Variants in KANSL1 observed in about 807,000 individuals in gnomAD.
KANSL1 encodes MLL1/MLL complex subunit KANSL1.
A neutral mutation model predicts 103.6 loss-of-function variants in KANSL1; 22 were observed. The ratio of observed to expected loss-of-function variants is 0.21; its 90% CI spans 0.15 to 0.30. KANSL1 has a LOEUF of 0.30. KANSL1 is among the 10% of genes least tolerant of loss of function. The pLI is 1.00. For missense variants in KANSL1, 1,337 were observed against 1,399.8 expected (o/e 0.96, Z 0.72); for synonymous variants, 600 against 527.6 (o/e 1.14, Z -1.88).
chr17:46,199,857 A>G (rs1294976544), intron 1 of KANSL1, among the ~76,000 whole-genome samples: 1 of 152,264 alleles, frequency 6.6e-6, no homozygotes, highest in Non-Finnish European at 1.5e-5. Context: ...ATACAATTAT[A>G]TCACTGAAAG....
At chr17:46,063,001 G>A (rs1353415503) in intron 6 of KANSL1, among the ~76,000 whole-genome samples, 1 of 152,178 alleles carries the variant, frequency 6.6e-6, no homozygotes, top group Non-Finnish European at 1.5e-5. Flanking sequence ...AGTGAGCCGA[G>A]ATCGCACCAT....
At position 46,171,251 on chromosome 17, in the gene KANSL1, G is replaced by A. The variant is rs149363799; in HGVS notation, c.893C>T (p.Ala298Val). The change falls in exon 2 of 15, where the codon GCC (alanine) becomes GTC (valine). Residue 298 changes from alanine (A) to valine (V), a missense_variant. By Grantham distance (64) the Ala-to-Val change is moderately conservative. Around this residue, in one of 2 missense-constraint regions of KANSL1, gnomAD observed 557 missense variants for 476.4 expected, o/e 1.17. Coordinates refer to ENST00000432791, the MANE Select transcript of KANSL1 (RefSeq NM_015443.4). ...LRRQADIESR[A>V]RRLQKRLQVV... is the part of the protein sequence containing the mutation. ...CTGTAAGCGCTTTTGTAATCTGCGG[G>A]CACGGCTCTCAATGTCAGCCTGTCG... 1 of 1,614,058 alleles carries A rather than the reference G, an allele frequency of 6.2e-7. No individual in the cohort carries two copies. The highest frequency in any genetic ancestry group is 8.5e-7 in the Non-Finnish European group (1 of 1,180,040).
chr17:46,161,058 G>A (rs2532291), intron 2 of KANSL1, among the ~76,000 whole-genome samples: 21,931 of 151,930 alleles, frequency 0.14, 2,137 homozygotes, highest in Middle Eastern at 0.22. Context: ...CAACAAATGT[G>A]GGCTATTATT....
intron 1 of KANSL1, chr17:46,222,780 G>A (rs1395582763): frequency 1.3e-5 from 2 of 152,366 alleles, no homozygotes. Context: ...GGCGAAGCTG[G>A]TGGAGGGTTT....
At chr17:46,176,312 CT>C (rs1338129690) in intron 1 of KANSL1, among the ~76,000 whole-genome samples, 1 of 152,246 alleles carries the variant, frequency 6.6e-6, no homozygotes, top group Non-Finnish European at 1.5e-5. Flanking sequence ...ACAGAAGGTG[CT>C]TAAGTAGTAA....
chr17:46,139,591 C>G (rs1304959818), intron 2 of KANSL1, among the ~76,000 whole-genome samples: 1 of 148,558 alleles, frequency 6.7e-6, no homozygotes, highest in Admixed American at 6.8e-5. Flanking sequence ...GAACCTGACT[C>G]TACTTCTTGT....
chr17:46,143,039 G>A (rs1225399707), intron 2 of KANSL1, among the ~76,000 whole-genome samples: 4 of 152,164 alleles, frequency 2.6e-5, no homozygotes, highest in African/African-American at 9.7e-5. Flanking sequence ...TTCTAAATAT[G>A]GCAAGTTTCT....
intron 2 of KANSL1, among the ~76,000 whole-genome samples, chr17:46,124,082 T>G (rs757579975): frequency 1.1e-4 from 17 of 152,150 alleles, no homozygotes; most frequent in Admixed American, 9.8e-4. Flanking sequence ...TTGACCATTC[T>G]GAAAATCTAA....
At chr17:46,097,435 A>G (rs1490022864) in intron 2 of KANSL1, among the ~76,000 whole-genome samples, 6 of 152,276 alleles carry the variant, frequency 3.9e-5, no homozygotes, top group Non-Finnish European at 8.8e-5. Flanking sequence ...ACCAATACAG[A>G]TAACTGATGA....
At chr17:46,179,280 T>C (rs2046671449) in intron 1 of KANSL1, among the ~76,000 whole-genome samples, 2 of 152,236 alleles carry the variant, frequency 1.3e-5, no homozygotes, top group Non-Finnish European at 2.9e-5. Flanking sequence ...CTTCAAATAC[T>C]GTAAGTCAGA....
chr17:46,193,850 T>C (rs1397534528), upstream of KANSL1: 1 of 164,190 alleles, frequency 6.1e-6, no homozygotes, highest in Non-Finnish European at 1.4e-5. Flanking sequence ...CGAGAGGACG[T>C]GAGCGAGGAA....
At chr17:46,142,077 C>T (rs1167142393) in intron 2 of KANSL1, among the ~76,000 whole-genome samples, 1 of 151,924 alleles carries the variant, frequency 6.6e-6, no homozygotes, top group Non-Finnish European at 1.5e-5. Context: ...TTTAGTAGAG[C>T]CAAGGTTTCA....
intron 1 of KANSL1, among the ~76,000 whole-genome samples, chr17:46,214,879 T>G (rs938059548): frequency 1.3e-5 from 2 of 152,246 alleles, no homozygotes; most frequent in African/African-American, 4.8e-5. Flanking sequence ...GCAAATCTGA[T>G]AGGTAAAAAA....
intron 1 of KANSL1, among the ~76,000 whole-genome samples, chr17:46,184,837 C>CTTTTTTTTTT (rs66507225): frequency 7.8e-6 from 1 of 128,290 alleles, no homozygotes; most frequent in African/African-American, 3.1e-5. Flanking sequence ...AGAGTATGTA[C>CTTTTTTTTTT]TTTTTTTTTT....
At chr17:46,045,004 A>G (rs1195138500) in intron 7 of KANSL1, 1 of 152,078 alleles carries the variant, frequency 6.6e-6, no homozygotes, top group Admixed American at 6.6e-5. Flanking sequence ...ATCATTTTTA[A>G]CCTTGTTATG....
At chr17:46,072,505 T>A (rs1227488870) in intron 4 of KANSL1, among the ~76,000 whole-genome samples, 1 of 152,034 alleles carries the variant, frequency 6.6e-6, no homozygotes, top group Non-Finnish European at 1.5e-5. Flanking sequence ...GTTTTTGACT[T>A]TGTATGATTG....
At chr17:46,205,729 A>G (rs1239738200) in intron 1 of KANSL1, among the ~76,000 whole-genome samples, 1 of 151,930 alleles carries the variant, frequency 6.6e-6, no homozygotes, top group Non-Finnish European at 1.5e-5. Flanking sequence ...AAAAGCAGTG[A>G]CAATCTTATA....
At chr17:46,058,328 T>C (rs769122780) in intron 6 of KANSL1, among the ~76,000 whole-genome samples, 15 of 152,178 alleles carry the variant, frequency 9.9e-5, no homozygotes, top group African/African-American at 1.7e-4. Context: ...CCAGCCAAAG[T>C]TGCATAGAGA....
At chr17:46,118,783 C>T (rs2043153017) in intron 2 of KANSL1, among the ~76,000 whole-genome samples, 1 of 152,132 alleles carries the variant, frequency 6.6e-6, no homozygotes, top group Non-Finnish European at 1.5e-5. Flanking sequence ...GATAAACAAC[C>T]AATAGTCAGT....
Sources: allele counts gnomAD v4.1 joint callset (sites outside exome capture counted in the v4.1 genomes callset), GRCh38; gene constraint gnomAD v4.1.1; regional missense constraint gnomAD v4.1.1; transcripts MANE v1.5; gene names NCBI Gene and HGNC (gene_info 2026-07-23, HGNC 2026-07-21).